The following PACC1 variants were observed in gnomAD, a reference collection of about 807,000 sequenced individuals.
PACC1 encodes proton activated chloride channel 1.
In PACC1, 34 loss-of-function variants were observed where a neutral mutation model predicts 39.7. That is an observed-to-expected ratio of 0.86 (90% CI 0.65 to 1.14). PACC1 has a LOEUF of 1.14. Among genes scored for constraint, PACC1 ranks in the 50% most tolerant of loss-of-function variants. The probability of loss-of-function intolerance (pLI) is 0.00; values close to 1 mark genes in which losing one functional copy is unlikely to be tolerated. For synonymous variants in PACC1, 127 were observed against 160.6 expected (o/e 0.79, Z 1.58); for missense variants, 379 against 436.4 (o/e 0.87, Z 1.17).
At chr1:212,383,862 AATC>A (rs10544173) in intron 4 of PACC1, among the ~76,000 whole-genome samples, 69,771 of 151,668 alleles carry the variant, frequency 0.46, 17,221 homozygotes, top group African/African-American at 0.65. Context: ...CTACACAAAG[AATC>A]ATCTTCCCTT....
chr1:212,393,630 A>C (rs1015220265), intron 2 of PACC1, among the ~76,000 whole-genome samples: 5 of 152,220 alleles, frequency 3.3e-5, no homozygotes, highest in Non-Finnish European at 7.3e-5. Flanking sequence ...ACGCTTCAAA[A>C]TATCAATGAA....
intron 5 of PACC1, 21 bp from the exon 6 acceptor site, chr1:212,377,727 G>T: frequency 1.2e-6 from 2 of 1,613,332 alleles, no homozygotes; most frequent in Non-Finnish European, 1.7e-6. Context: ...GGAAGGAGAA[G>T]GAAGATCCAG....
intron 6 of PACC1, among the ~76,000 whole-genome samples, 184 bp from the exon 7 acceptor site, chr1:212,375,484 G>C (rs897399547): frequency 6.6e-6 from 1 of 152,108 alleles, no homozygotes; most frequent in African/African-American, 2.4e-5. Flanking sequence ...CAAAGCCAAG[G>C]CTTTACCTTG....
intron 1 of PACC1, 93 bp from the exon 2 acceptor site, chr1:212,410,614 T>A: frequency 8.7e-7 from 1 of 1,153,774 alleles, no homozygotes; most frequent in Non-Finnish European, 1.3e-6. Context: ...GCTTGTCACT[T>A]AATTGTCACC....
At chr1:212,381,268 A>G (rs934189385) in intron 4 of PACC1, among the ~76,000 whole-genome samples, 1 of 152,224 alleles carries the variant, frequency 6.6e-6, no homozygotes, top group Non-Finnish European at 1.5e-5. Flanking sequence ...AGTGGAGAGT[A>G]TGGAGTTGAA....
At chr1:212,368,476 A>C (rs1361500270) in intron 7 of PACC1, among the ~76,000 whole-genome samples, 2 of 152,202 alleles carry the variant, frequency 1.3e-5, no homozygotes, top group Non-Finnish European at 2.9e-5. Flanking sequence ...CAGGAACTTC[A>C]ATGAAACACA....
rs570238188 is a variant in PACC1, at chr1:212,414,629, C to T, written c.36+93G>A. On this transcript the variant is annotated intron_variant, in intron 1 of 7. Coordinates refer to ENST00000261455, the MANE Select transcript of PACC1 (RefSeq NM_018252.3). ...TCCCTCGGAAGAGCCCTCTGCCGCGCAGCCCCGACACCCCCCGCCCCGCAT... is the reference window on the plus strand; with the variant it reads ...TCCCTCGGAAGAGCCCTCTGCCGCGTAGCCCCGACACCCCCCGCCCCGCAT... 30 of 1,494,564 alleles carry T rather than the reference C, an allele frequency of 2.0e-5. No homozygotes were observed. In the African/African-American group the frequency reaches 4.1e-4, roughly 21 times the overall value. The allele number at this position is 1,494,564 out of a possible 1,614,324, so 92.6% of individuals were successfully genotyped here.
At chr1:212,385,232 C>T (rs1558171659) in intron 4 of PACC1, 42 bp downstream of exon 4, 6 of 1,612,130 alleles carry the variant, frequency 3.7e-6, no homozygotes, top group Non-Finnish European at 5.1e-6. Context: ...GCGGGGCTAA[C>T]AGAGCAGCTG....
At chr1:212,391,139 C>T (rs1456642455) in intron 2 of PACC1, among the ~76,000 whole-genome samples, 1 of 152,196 alleles carries the variant, frequency 6.6e-6, no homozygotes, top group Non-Finnish European at 1.5e-5. Flanking sequence ...AGACAGACTG[C>T]CTCCTCAAGT....
intron 2 of PACC1, among the ~76,000 whole-genome samples, chr1:212,404,747 T>C (rs1480902500): frequency 6.7e-6 from 1 of 150,328 alleles, no homozygotes; most frequent in African/African-American, 2.4e-5. Context: ...CAGGCGTGCA[T>C]CATTCCTGGC....
intron 7 of PACC1, among the ~76,000 whole-genome samples, chr1:212,372,310 A>C (rs1221668765): frequency 2.0e-5 from 3 of 147,700 alleles, no homozygotes; most frequent in Non-Finnish European, 4.5e-5. Context: ...AACAAAAAAC[A>C]AAAAAAAAAC....
intron 7 of PACC1, among the ~76,000 whole-genome samples, chr1:212,369,924 T>C (rs750872177): frequency 7.9e-5 from 12 of 152,078 alleles, no homozygotes; most frequent in Admixed American, 7.9e-4. Context: ...CATTATGTAA[T>C]GATGAGGGAG....
intron 2 of PACC1, among the ~76,000 whole-genome samples, chr1:212,404,635 C>G (rs1029317907): frequency 2.6e-5 from 4 of 151,502 alleles, no homozygotes; most frequent in African/African-American, 9.7e-5. Context: ...CCAGCCCCTT[C>G]TTTTTCACCT....
intron 2 of PACC1, among the ~76,000 whole-genome samples, chr1:212,399,950 T>C (rs886136379): frequency 1.5e-4 from 23 of 152,108 alleles, no homozygotes; most frequent in African/African-American, 4.8e-4. Flanking sequence ...GGTCCAGTGA[T>C]TCTCCTGCCT....
Position 212,365,023 on chromosome 1 carries a change from T to C in PACC1, c.*192A>G. On this transcript the variant is annotated 3_prime_UTR_variant, in exon 8 of 8. Coordinates refer to ENST00000261455, the MANE Select transcript of PACC1 (RefSeq NM_018252.3). Reference sequence around the variant, plus strand: ...TTAAATAACTTGTAGGTTTATCCATTAGTCTCTTCTATTAGGCTCTACACC... The same window carrying C: ...TTAAATAACTTGTAGGTTTATCCATCAGTCTCTTCTATTAGGCTCTACACC... 2.4e-6 allele frequency: 1 copy of C among 413,284 alleles called. No individual in the cohort carries two copies. Among genetic ancestry groups the C allele is most frequent in the Non-Finnish European group, 4.2e-6 (1 of 235,640 alleles). The allele number at this position is 413,284 out of a possible 1,614,324, so 25.6% of individuals were successfully genotyped here.
At chr1:212,390,482 G>C (rs988949912) in intron 2 of PACC1, among the ~76,000 whole-genome samples, 4 of 151,414 alleles carry the variant, frequency 2.6e-5, no homozygotes, top group Admixed American at 2.0e-4. Flanking sequence ...TGGCTGAATA[G>C]GAACAGCTCC....
At chr1:212,404,184 G>C (rs562997616) in intron 2 of PACC1, among the ~76,000 whole-genome samples, 1 of 151,964 alleles carries the variant, frequency 6.6e-6, no homozygotes, top group Admixed American at 6.6e-5. Context: ...TCAGCTCACT[G>C]CAAGCTCTGC....
intron 7 of PACC1, among the ~76,000 whole-genome samples, chr1:212,365,842 G>A (rs1310035026): frequency 6.6e-6 from 1 of 152,094 alleles, no homozygotes; most frequent in Non-Finnish European, 1.5e-5. Context: ...TAATTTTGTG[G>A]CCTAATCCAA....
At chr1:212,384,910 CA>C (rs1360318345) in intron 4 of PACC1, among the ~76,000 whole-genome samples, 1 of 152,250 alleles carries the variant, frequency 6.6e-6, no homozygotes, top group Non-Finnish European at 1.5e-5. Context: ...CCTAGAAATT[CA>C]TATTTTCAAA....
Sources: gnomAD v4.1 joint callset for allele counts (sites outside exome capture counted in the v4.1 genomes callset) on GRCh38, gnomAD v4.1.1 for gene constraint, MANE v1.5 for transcripts, NCBI Gene and HGNC (gene_info 2026-07-23, HGNC 2026-07-21) for gene names.